PRKG2: variants seen among roughly 807,000 people sequenced by gnomAD.
The protein encoded by PRKG2 is protein kinase cGMP-dependent 2.
Under a neutral mutation model 97.2 loss-of-function variants are expected in PRKG2, and 33 were observed. The observed-to-expected ratio is 0.34, with a 90% CI of 0.26 to 0.45. The LOEUF is 0.45. PRKG2 is among the 20% of genes least tolerant of loss of function. The pLI is 1.00. For missense variants in PRKG2, 638 were observed against 900.0 expected (o/e 0.71, Z 3.73); for synonymous variants, 330 against 321.8 (o/e 1.03, Z -0.27).
chr4:81,117,154 A>G (rs1744627410), intron 14 of PRKG2, among the ~76,000 whole-genome samples: 1 of 151,562 alleles, frequency 6.6e-6, no homozygotes, highest in African/African-American at 2.4e-5. Context: ...AACCACACCC[A>G]GCTAATTTTT....
At chr4:81,161,958 C>T (rs1749620337) in intron 6 of PRKG2, among the ~76,000 whole-genome samples, 1 of 152,028 alleles carries the variant, frequency 6.6e-6, no homozygotes, top group African/African-American at 2.4e-5. Flanking sequence ...GGGGACCATT[C>T]TGCCTACCAC....
Position 81,089,537 on chromosome 4 carries a change from T to C in PRKG2, c.*171A>G, listed in dbSNP as rs17005052. The C allele has an allele frequency of 2.6e-3, 1,364 of 518,032 alleles. 22 individuals carry two copies. Among genetic ancestry groups the C allele is most frequent in the African/African-American group, 0.024 (1,245 of 51,542 alleles). The allele number at this position is 518,032 out of a possible 1,614,324, so 32.1% of individuals were successfully genotyped here. A position where few individuals can be genotyped will look rare whatever the true frequency, so the allele number is the denominator to read the frequency against. ...TTCACAGCATCTAAATAAGACACTA[T>C]AACTCAGAACCATATCCACACCATT... On this transcript the variant is annotated 3_prime_UTR_variant, in exon 19 of 19. Transcript: ENST00000264399.
chr4:81,179,962 A>T (rs966477244), intron 2 of PRKG2, among the ~76,000 whole-genome samples: 4 of 151,912 alleles, frequency 2.6e-5, no homozygotes, highest in African/African-American at 9.7e-5. Context: ...GGCCAACCCC[A>T]TCTCTACTAA....
chr4:81,165,159 A>T (rs899388380), intron 6 of PRKG2, among the ~76,000 whole-genome samples: 1 of 152,188 alleles, frequency 6.6e-6, no homozygotes, highest in Non-Finnish European at 1.5e-5. Context: ...GAAGAGGCTT[A>T]AAGGCAATGG....
At chr4:81,185,958 C>T (rs189316367) in intron 2 of PRKG2, among the ~76,000 whole-genome samples, 35 of 152,258 alleles carry the variant, frequency 2.3e-4, no homozygotes, top group South Asian at 1.9e-3. Context: ...TAAAGGAGCA[C>T]GCAGATCAAT....
chr4:81,125,656 T>C (rs1430771360), intron 14 of PRKG2, among the ~76,000 whole-genome samples: 16 of 152,216 alleles, frequency 1.1e-4, no homozygotes, highest in Admixed American at 1.0e-3. Flanking sequence ...TGTCACGGAA[T>C]AGGTATACGT....
intron 15 of PRKG2, among the ~76,000 whole-genome samples, chr4:81,106,846 T>A (rs1743394883): frequency 6.6e-6 from 1 of 152,154 alleles, no homozygotes; most frequent in South Asian, 2.1e-4. Context: ...TGCCTGGCTT[T>A]TGGCCATGTG....
intron 2 of PRKG2, among the ~76,000 whole-genome samples, chr4:81,187,721 C>T (rs921889343): frequency 5.3e-5 from 8 of 152,126 alleles, no homozygotes; most frequent in African/African-American, 1.9e-4. Context: ...CAAACCCCAT[C>T]GTCTCAGCCC....
chr4:81,090,939 A>T (rs1353230065), intron 18 of PRKG2, among the ~76,000 whole-genome samples: 2 of 152,206 alleles, frequency 1.3e-5, no homozygotes, highest in African/African-American at 4.8e-5. Flanking sequence ...AATAATTACC[A>T]TTAGATATTC....
chr4:81,182,811 G>A lies in PRKG2; in HGVS notation c.462-7852C>T, dbSNP rs558303947. On this transcript the variant is annotated intron_variant, in intron 2 of 18. Coordinates refer to ENST00000264399, the MANE Select transcript of PRKG2 (RefSeq NM_006259.3). Reference sequence around the variant, plus strand: ...ATTCAAAACAGTATCAACTATGAAGGATTATATCTAACAAAGATAAGTAAG... The same window carrying A: ...ATTCAAAACAGTATCAACTATGAAGAATTATATCTAACAAAGATAAGTAAG... Among the ~76,000 whole-genome samples, 56 of 151,948 alleles carry A rather than the reference G, an allele frequency of 3.7e-4. 1 individual carries two copies. The highest frequency in any genetic ancestry group is 2.6e-3 in the Admixed American group (39 of 15,284).
At chr4:81,145,736 T>A (rs1747795441) in intron 9 of PRKG2, among the ~76,000 whole-genome samples, 2 of 152,178 alleles carry the variant, frequency 1.3e-5, no homozygotes, top group South Asian at 4.1e-4. Flanking sequence ...GTACTTCTTT[T>A]CCCTACTACA....
intron 2 of PRKG2, among the ~76,000 whole-genome samples, chr4:81,175,169 C>G (rs1027898894): frequency 6.6e-6 from 1 of 152,026 alleles, no homozygotes; most frequent in African/African-American, 2.4e-5. Context: ...GAATATTATT[C>G]TGATAGTCAT....
intron 17 of PRKG2, among the ~76,000 whole-genome samples, chr4:81,099,325 C>T (rs1268627045): frequency 6.6e-6 from 1 of 152,088 alleles, no homozygotes; most frequent in Non-Finnish European, 1.5e-5. Context: ...AAAATACTGG[C>T]AAACCGAATC....
At chr4:81,116,460 T>G (rs546599332) in intron 14 of PRKG2, among the ~76,000 whole-genome samples, 1 of 152,298 alleles carries the variant, frequency 6.6e-6, no homozygotes, top group East Asian at 1.9e-4. Context: ...ATGTTTTTGC[T>G]CTTGGGAATA....
chr4:81,160,075 A>G (rs1749484048), intron 6 of PRKG2, among the ~76,000 whole-genome samples: 1 of 152,030 alleles, frequency 6.6e-6, no homozygotes, highest in African/African-American at 2.4e-5. Flanking sequence ...TGACCTGCAC[A>G]TTGTGCACAT....
chr4:81,168,404 C>A (rs1391515813), intron 5 of PRKG2, among the ~76,000 whole-genome samples: 3 of 152,110 alleles, frequency 2.0e-5, no homozygotes, highest in African/African-American at 7.2e-5. Context: ...TGAATATTCA[C>A]TAGTAGATTA....
chr4:81,123,183 C>T (rs1745227465), intron 14 of PRKG2, among the ~76,000 whole-genome samples: 1 of 152,144 alleles, frequency 6.6e-6, no homozygotes, highest in African/African-American at 2.4e-5. Context: ...TGCAATTGCT[C>T]ATATGTCCTT....
chr4:81,196,002 G>C (rs1393505348), intron 2 of PRKG2, among the ~76,000 whole-genome samples: 7 of 152,222 alleles, frequency 4.6e-5, no homozygotes, highest in African/African-American at 1.7e-4. Flanking sequence ...TCCTGGGTAG[G>C]TTATATAAGA....
chr4:81,164,646 C>T (rs75553179), intron 6 of PRKG2, among the ~76,000 whole-genome samples: 16,574 of 152,092 alleles, frequency 0.11, 1,104 homozygotes, highest in Middle Eastern at 0.21. Flanking sequence ...AGGTGTGGAT[C>T]TGGGGGCCCC....
Sources: allele counts gnomAD v4.1 joint callset (sites outside exome capture counted in the v4.1 genomes callset), GRCh38; gene constraint gnomAD v4.1.1; transcripts MANE v1.5; gene names NCBI Gene and HGNC (gene_info 2026-07-23, HGNC 2026-07-21).